The following IKZF1 variants were observed in gnomAD, a reference collection of about 807,000 sequenced individuals.
The protein encoded by IKZF1 is IKAROS family zinc finger 1, also known as DNA-binding protein Ikaros.
In IKZF1, 10 loss-of-function variants were observed where a neutral mutation model predicts 51.7. That is an observed-to-expected ratio of 0.19 (90% CI 0.12 to 0.33). IKZF1 has a LOEUF of 0.33. Ranked by LOEUF, IKZF1 falls within the 10% of genes least tolerant of loss-of-function variation. The pLI is 1.00. For missense variants in IKZF1, 484 were observed against 707.5 expected (o/e 0.68, Z 3.58); for synonymous variants, 280 against 282.3 (o/e 0.99, Z 0.08).
intron 3 of IKZF1, among the ~76,000 whole-genome samples, chr7:50,342,976 T>G (rs115356439): frequency 1.5e-3 from 229 of 152,372 alleles, no homozygotes; most frequent in African/African-American, 5.1e-3. Context: ...CTTTCTTGTT[T>G]GCTTGCCCTT....
At chr7:50,360,593 G>T (rs1804907678) in intron 3 of IKZF1, among the ~76,000 whole-genome samples, 1 of 152,200 alleles carries the variant, frequency 6.6e-6, no homozygotes, top group Non-Finnish European at 1.5e-5. Context: ...AGTTTAACCT[G>T]TTGCTTCTGT....
intron 3 of IKZF1, among the ~76,000 whole-genome samples, chr7:50,354,904 C>T (rs1802865292): frequency 6.6e-6 from 1 of 152,130 alleles, no homozygotes; most frequent in South Asian, 2.1e-4. Flanking sequence ...TGCATTTGGA[C>T]AGCATCAGTA....
chr7:50,374,821 C>T (rs1809757208), intron 3 of IKZF1, among the ~76,000 whole-genome samples: 1 of 152,114 alleles, frequency 6.6e-6, no homozygotes, highest in Non-Finnish European at 1.5e-5. Context: ...GCTAAGATTC[C>T]AGACCAGGTA....
chr7:50,385,158 C>T (rs1812991018), intron 5 of IKZF1, among the ~76,000 whole-genome samples: 1 of 152,174 alleles, frequency 6.6e-6, no homozygotes, highest in Non-Finnish European at 1.5e-5. Context: ...GAAAACCCAT[C>T]ATGGATGCAG....
At chr7:50,393,685 G>A (rs1815870019) in intron 7 of IKZF1, among the ~76,000 whole-genome samples, 1 of 152,214 alleles carries the variant, frequency 6.6e-6, no homozygotes, top group Non-Finnish European at 1.5e-5. Flanking sequence ...CCTGAACGGA[G>A]TAGGAGTGAG....
intron 3 of IKZF1, among the ~76,000 whole-genome samples, chr7:50,351,428 G>C (rs1285175442): frequency 1.3e-5 from 2 of 152,130 alleles, no homozygotes; most frequent in Non-Finnish European, 2.9e-5. Context: ...AATGTTCTGT[G>C]TTTCCTCCAT....
intron 1 of IKZF1, among the ~76,000 whole-genome samples, chr7:50,315,618 C>T: frequency 6.6e-6 from 1 of 152,160 alleles, no homozygotes; most frequent in African/African-American, 2.4e-5. Context: ...TAGGTCTTGC[C>T]TGAAATTGTT....
At chr7:50,380,388 A>G (rs891519309) in intron 4 of IKZF1, among the ~76,000 whole-genome samples, 3 of 152,272 alleles carry the variant, frequency 2.0e-5, no homozygotes, top group African/African-American at 7.2e-5. Context: ...TGTCTGTAGC[A>G]ATCTGCCCTT....
chr7:50,316,433 G>A (rs569199401), intron 1 of IKZF1, among the ~76,000 whole-genome samples: 108 of 152,284 alleles, frequency 7.1e-4, no homozygotes, highest in Non-Finnish European at 1.4e-3. Flanking sequence ...GTGGTGATAG[G>A]GCATGGAGTG....
chr7:50,337,318 C>A lies in IKZF1; in HGVS notation c.160+9561C>A, dbSNP rs1362255389. On this transcript the variant is annotated intron_variant, in intron 3 of 7. Transcript: ENST00000331340. ...CTAGCAGAATAGAAAGGATTAAAATCTAACTAGCAGCCCCAGGGTAGGCCG... is the reference window on the plus strand; with the variant it reads ...CTAGCAGAATAGAAAGGATTAAAATATAACTAGCAGCCCCAGGGTAGGCCG... Among the ~76,000 whole-genome samples, 4 of 152,274 alleles carry A rather than the reference C, an allele frequency of 2.6e-5. No homozygotes were observed. In the East Asian group the frequency reaches 7.7e-4, roughly 29 times the overall value.
intron 3 of IKZF1, among the ~76,000 whole-genome samples, chr7:50,334,055 A>C (rs1281691361): frequency 3.9e-5 from 6 of 152,260 alleles, no homozygotes; most frequent in Middle Eastern, 3.2e-3. Context: ...TTCGCATTTC[A>C]AAGTAAATTT....
At position 50,400,644 on chromosome 7, in the gene IKZF1, C is replaced by G. The variant is rs756974868; in HGVS notation, c.*17C>G. 5 of 1,594,146 alleles carry G rather than the reference C, an allele frequency of 3.1e-6. No homozygotes were observed. Among genetic ancestry groups the G allele is most frequent in the African/African-American group, 2.7e-5 (2 of 74,850 alleles). The stretch of plus-strand genomic sequence containing the variant: ...ATGAGCTAAAGCCCTCCCGCGCCCC[C>G]ACCCCAGACCCCGAGCCACCCCAGG... On this transcript the variant is annotated 3_prime_UTR_variant, in exon 8 of 8. Coordinates refer to ENST00000331340, the MANE Select transcript of IKZF1 (RefSeq NM_006060.6). The surrounding 1 kb of genome is among the most constrained non-coding windows in gnomAD (Gnocchi z 5.4).
chr7:50,350,582 C>G (rs796168725), intron 3 of IKZF1, among the ~76,000 whole-genome samples: 1 of 152,168 alleles, frequency 6.6e-6, no homozygotes, highest in Non-Finnish European at 1.5e-5. Flanking sequence ...TGGGTTCTGA[C>G]GGCACGTTAC....
intron 3 of IKZF1, among the ~76,000 whole-genome samples, chr7:50,345,228 A>T (rs996657914): frequency 6.6e-6 from 1 of 152,152 alleles, no homozygotes. Flanking sequence ...TAAAATATTC[A>T]TGGGTATATA....
intron 4 of IKZF1, chr7:50,377,326 C>T (rs1056180711): frequency 6.5e-6 from 1 of 154,392 alleles, no homozygotes; most frequent in African/African-American, 2.4e-5. Context: ...AATGGCTTGC[C>T]CTCTAACAGG....
intron 1 of IKZF1, among the ~76,000 whole-genome samples, chr7:50,309,830 A>G (rs975977905): frequency 2.0e-5 from 3 of 152,216 alleles, no homozygotes; most frequent in South Asian, 2.1e-4. Context: ...TGTTTAATTT[A>G]GAGTCTTTAG....
At chr7:50,333,066 A>G (rs1796765731) in intron 3 of IKZF1, among the ~76,000 whole-genome samples, 1 of 148,770 alleles carries the variant, frequency 6.7e-6, no homozygotes, top group Admixed American at 6.7e-5. Flanking sequence ...ACAGAATTTG[A>G]TTTACCCTAG....
Position 50,401,254 on chromosome 7 carries a change from G to T in IKZF1, c.*627G>T, listed in dbSNP as rs10278451. On this transcript the variant is annotated 3_prime_UTR_variant, in exon 8 of 8. Coordinates refer to ENST00000331340, the MANE Select transcript of IKZF1 (RefSeq NM_006060.6). ...ATATTCTGCGTAGGAAAATGAATTG[G>T]TTGGGGAAAGTCGTGTCTGTCAGAC... 0.24 allele frequency: 55,724 copies of T among 231,082 alleles called. 7,161 individuals carry two copies. Among genetic ancestry groups the T allele is most frequent in the South Asian group, 0.29 (1,607 of 5,586 alleles). 14.3% of individuals were successfully genotyped at this position (231,082 alleles called of 1,614,324 possible).
intron 7 of IKZF1, among the ~76,000 whole-genome samples, chr7:50,393,481 T>A (rs1006563745): frequency 1.3e-4 from 20 of 152,306 alleles, no homozygotes; most frequent in African/African-American, 4.3e-4. Flanking sequence ...CCAGCCTCCC[T>A]CTTGCAGCTT....
Sources: gnomAD v4.1 joint callset for allele counts (sites outside exome capture counted in the v4.1 genomes callset) on GRCh38, gnomAD v4.1.1 for gene constraint, Gnocchi (gnomAD v3.1) non-coding constraint, MANE v1.5 for transcripts, NCBI Gene and HGNC (gene_info 2026-07-23, HGNC 2026-07-21) for gene names.